TENM3: variants seen among roughly 807,000 people sequenced by gnomAD.
TENM3 encodes the protein teneurin transmembrane protein 3.
In TENM3, 63 loss-of-function variants were observed where a neutral mutation model predicts 255.1. The ratio of observed to expected loss-of-function variants is 0.25; its 90% CI spans 0.20 to 0.30. The LOEUF is 0.30. Among genes scored for constraint, TENM3 ranks in the 10% least tolerant of loss-of-function variants. TENM3 has a pLI of 1.00. For synonymous variants in TENM3, 1,306 were observed against 1,322.3 expected (o/e 0.99, Z 0.27); for missense variants, 2,929 against 3,461.1 (o/e 0.85, Z 3.86).
intron 3 of TENM3, among the ~76,000 whole-genome samples, chr4:182,519,489 T>C (rs1738341342): frequency 6.6e-6 from 1 of 152,202 alleles, no homozygotes; most frequent in Non-Finnish European, 1.5e-5. Flanking sequence ...CTCCACAGTT[T>C]ATTTCAGTAT....
chr4:181,523,431 A>AT, the TENM3 span, among the ~76,000 whole-genome samples: 1 of 148,170 alleles, frequency 6.7e-6, no homozygotes, highest in Admixed American at 6.8e-5. Flanking sequence ...AAAAAAAAAA[A>AT]AAGTTTTCCA....
At chr4:181,842,232 G>A in the TENM3 span, among the ~76,000 whole-genome samples, 1 of 152,192 alleles carries the variant, frequency 6.6e-6, no homozygotes, top group South Asian at 2.1e-4. Flanking sequence ...AAGAAAAGCT[G>A]GGAATTACAG....
At chr4:181,873,074 A>AT in the TENM3 span, among the ~76,000 whole-genome samples, 62 of 149,770 alleles carry the variant, frequency 4.1e-4, no homozygotes, top group African/African-American at 7.8e-4. Context: ...TAATATAAGT[A>AT]TTTTTTTTTT....
intron 3 of TENM3, among the ~76,000 whole-genome samples, chr4:182,480,070 G>A (rs1429855183): frequency 2.0e-5 from 3 of 151,984 alleles, no homozygotes; most frequent in South Asian, 4.1e-4. Flanking sequence ...TTTGATTATA[G>A]TTTCAAAAAT....
At position 182,315,283 on chromosome 4, in the gene TENM3, G is replaced by A. The variant is rs187812696; in HGVS notation, c.-75-8663G>A. Among the ~76,000 whole-genome samples, 521 of 152,236 alleles carry A rather than the reference G, an allele frequency of 3.4e-3. 3 individuals carry two copies. Among genetic ancestry groups the A allele is most frequent in the Non-Finnish European group, 5.6e-3 (382 of 68,014 alleles). On this transcript the variant is annotated intron_variant, in intron 1 of 27. Transcript: ENST00000511685. ...ATGTGATTTTGTTTTTATTTTGCCT[G>A]AAGGGCTTCCTTTACATTTTTTTGT... is the stretch of plus-strand genomic sequence containing the variant.
chr4:182,402,607 T>C (rs2151035145), intron 3 of TENM3, among the ~76,000 whole-genome samples: 1 of 152,292 alleles, frequency 6.6e-6, no homozygotes, highest in South Asian at 2.1e-4. Context: ...ACTTCTCTTC[T>C]TTTTTTAGGA....
intron 3 of TENM3, among the ~76,000 whole-genome samples, chr4:182,393,773 A>G (rs760974830): frequency 1.3e-5 from 2 of 152,202 alleles, no homozygotes; most frequent in Non-Finnish European, 2.9e-5. Flanking sequence ...CAGGAAGTCA[A>G]TGACACTTTA....
At chr4:182,636,450 C>T (rs1021181101) in intron 5 of TENM3, among the ~76,000 whole-genome samples, 16 of 152,008 alleles carry the variant, frequency 1.1e-4, no homozygotes, top group Admixed American at 7.2e-4. Context: ...GCAAATAATA[C>T]ACTTGGCCGG....
chr4:181,978,642 T>A, the TENM3 span, among the ~76,000 whole-genome samples: 1 of 106,906 alleles, frequency 9.4e-6, no homozygotes, highest in Non-Finnish European at 1.8e-5. Context: ...AAAGAGTCCA[T>A]CTCAAAAAAA....
At chr4:182,635,151 A>G (rs376017621) in intron 5 of TENM3, among the ~76,000 whole-genome samples, 32 of 152,232 alleles carry the variant, frequency 2.1e-4, no homozygotes, top group East Asian at 1.9e-3. Context: ...GGAACACTAG[A>G]GAAAAAAATA....
chr4:182,668,701 G>T (rs1754939133), intron 6 of TENM3, among the ~76,000 whole-genome samples: 1 of 152,170 alleles, frequency 6.6e-6, no homozygotes, highest in Non-Finnish European at 1.5e-5. Flanking sequence ...TATCATTTCT[G>T]TGAGAAAGAT....
chr4:182,459,287 A>C (rs1291154153), intron 3 of TENM3, among the ~76,000 whole-genome samples: 1 of 152,174 alleles, frequency 6.6e-6, no homozygotes, highest in Non-Finnish European at 1.5e-5. Context: ...ATGACTTCTG[A>C]AAAAGGCAAC....
chr4:182,170,109 C>T (rs759954057), intron 1 of TENM3, among the ~76,000 whole-genome samples: 1 of 151,240 alleles, frequency 6.6e-6, no homozygotes, highest in Non-Finnish European at 1.5e-5. Flanking sequence ...CAAATTGGCA[C>T]TTTCATGTCA....
At chr4:182,779,536 T>C (rs2152807362) in intron 24 of TENM3, among the ~76,000 whole-genome samples, 1 of 152,340 alleles carries the variant, frequency 6.6e-6, no homozygotes, top group Non-Finnish European at 1.5e-5. Context: ...CATGTGTCTT[T>C]ATAGCAGCAT....
intron 3 of TENM3, among the ~76,000 whole-genome samples, chr4:182,579,902 A>T (rs559464050): frequency 6.6e-6 from 1 of 152,280 alleles, no homozygotes; most frequent in East Asian, 1.9e-4. Context: ...AGTGCTGGCT[A>T]CAGAGGGAGG....
chr4:181,941,396 A>G, the TENM3 span, among the ~76,000 whole-genome samples: 1 of 151,316 alleles, frequency 6.6e-6, no homozygotes, highest in Non-Finnish European at 1.5e-5. Context: ...TGACTTCCTT[A>G]AATATCCCTT....
chr4:181,456,013 T>A, the TENM3 span, among the ~76,000 whole-genome samples: 1 of 151,930 alleles, frequency 6.6e-6, no homozygotes, highest in East Asian at 1.9e-4. Context: ...GCATATTTCA[T>A]TAAATCATCA....
At chr4:181,558,974 C>G in the TENM3 span, among the ~76,000 whole-genome samples, 1 of 152,122 alleles carries the variant, frequency 6.6e-6, no homozygotes, top group Admixed American at 6.5e-5. Context: ...TGTTGATGTG[C>G]TGGCTAGTAG....
At chr4:182,349,901 G>A (rs1323966435) in intron 3 of TENM3, 2 of 311,086 alleles carry the variant, frequency 6.4e-6, no homozygotes, top group Non-Finnish European at 1.3e-5. Context: ...GAAGGAGATG[G>A]ATGAAATAAC....
Sources: gnomAD v4.1 joint callset for allele counts (sites outside exome capture counted in the v4.1 genomes callset) on GRCh38, gnomAD v4.1.1 for gene constraint, MANE v1.5 for transcripts, NCBI Gene and HGNC (gene_info 2026-07-23, HGNC 2026-07-21) for gene names.